FAM32A: variants seen among roughly 807,000 people sequenced by gnomAD.
The protein encoded by FAM32A is protein FAM32A.
In FAM32A, 9 loss-of-function variants were observed where a neutral mutation model predicts 15.8. The ratio of observed to expected loss-of-function variants is 0.57; its 90% CI spans 0.34 to 1.00. The LOEUF is 1.00. Among genes scored for constraint, FAM32A ranks in the 50% least tolerant of loss-of-function variants. The pLI is 0.02. For synonymous variants in FAM32A, 64 were observed against 54.9 expected (o/e 1.16, Z -0.73); for missense variants, 113 against 138.3 (o/e 0.82, Z 0.92).
chr19:16,190,396 G>C (rs769868423), intron 2 of FAM32A, 124 bp from the exon 3 acceptor site: 43 of 652,756 alleles, frequency 6.6e-5, no homozygotes, highest in Non-Finnish European at 1.1e-4. Context: ...ACAAGGCACA[G>C]AGCCTGAAAC....
chr19:16,191,218 G>GT lies in FAM32A; in HGVS notation c.*264dup, dbSNP rs2091405288. On this transcript the variant is annotated 3_prime_UTR_variant, in exon 4 of 4. Transcript: ENST00000263384. ...GGAAAGTTTCTAAGTTTATCCAGAG[G>GT]TAAAGCCCATTGTGTGTCTGTGTCA... 1 of 467,802 alleles carries GT rather than the reference G, an allele frequency of 2.1e-6. No individual in the cohort carries two copies. Among genetic ancestry groups the GT allele is most frequent in the Non-Finnish European group, 4.0e-6 (1 of 252,708 alleles). 29.0% of individuals were successfully genotyped at this position (467,802 alleles called of 1,614,324 possible). A position where few individuals can be genotyped will look rare whatever the true frequency, so the allele number is the denominator to read the frequency against.
chr19:16,185,916 G>T, intron 2 of FAM32A, 151 bp downstream of exon 2: 1 of 978,392 alleles, frequency 1.0e-6, no homozygotes, highest in South Asian at 1.8e-5. Flanking sequence ...AGTGAGAGAA[G>T]AGTCGCCCTC....
At chr19:16,188,073 C>G (rs1467158625) in intron 2 of FAM32A, among the ~76,000 whole-genome samples, 1 of 152,186 alleles carries the variant, frequency 6.6e-6, no homozygotes, top group African/African-American at 2.4e-5. Flanking sequence ...TCCCTTCTAA[C>G]CCTGAGGTTG....
chr19:16,190,639 C>A, intron 3 of FAM32A, 66 bp downstream of exon 3: 2 of 1,294,466 alleles, frequency 1.5e-6, no homozygotes, highest in Non-Finnish European at 2.2e-6. Flanking sequence ...CAGAGGCTAT[C>A]AGCTGGCAGA....
At chr19:16,188,195 A>G (rs988925474) in intron 2 of FAM32A, among the ~76,000 whole-genome samples, 3 of 152,240 alleles carry the variant, frequency 2.0e-5, no homozygotes, top group Non-Finnish European at 2.9e-5. Context: ...AGCAGTCGTG[A>G]TGGAGCCAGT....
At chr19:16,185,598 C>T in intron 1 of FAM32A, 26 bp from the exon 2 acceptor site, 2 of 1,597,022 alleles carry the variant, frequency 1.3e-6, no homozygotes, top group Admixed American at 1.7e-5. Flanking sequence ...TCCTCCGACC[C>T]GCCGCCTCCT....
intron 2 of FAM32A, among the ~76,000 whole-genome samples, chr19:16,185,990 T>C (rs2091384501): frequency 6.6e-6 from 1 of 152,142 alleles, no homozygotes; most frequent in Admixed American, 6.5e-5. Context: ...AGGGGAGAGC[T>C]AGAACTGGCG....
chr19:16,187,937 G>A (rs147595169), intron 2 of FAM32A, among the ~76,000 whole-genome samples: 269 of 149,358 alleles, frequency 1.8e-3, no homozygotes, highest in African/African-American at 6.4e-3. Context: ...GTAGAGACGG[G>A]GTTTCACCAT....
intron 2 of FAM32A, among the ~76,000 whole-genome samples, chr19:16,188,065 C>T (rs1166050804): frequency 6.6e-6 from 1 of 152,172 alleles, no homozygotes; most frequent in Admixed American, 6.6e-5. Context: ...CATTTCTTTC[C>T]CTTCTAACCC....
At chr19:16,187,379 AACCAGT>A (rs2091389790) in intron 2 of FAM32A, 1 of 150,880 alleles carries the variant, frequency 6.6e-6, no homozygotes, top group Non-Finnish European at 1.5e-5. Context: ...GGATTGCTTG[AACCAGT>A]ACCCGGGAGG....
At chr19:16,190,458 C>T (rs1445330595) in intron 2 of FAM32A, 62 bp from the exon 3 acceptor site, 16 of 1,230,426 alleles carry the variant, frequency 1.3e-5, no homozygotes, top group African/African-American at 2.9e-5. Flanking sequence ...CATCTTCCAC[C>T]CCATGCCAGC....
In FAM32A at chr19:16,190,989, T is replaced by G. The variant is rs746234491; in HGVS notation, c.*34T>G. 6.4e-7 allele frequency: 1 copy of G among 1,558,972 alleles called. No homozygotes were observed. The highest frequency in any genetic ancestry group is 8.9e-7 in the Non-Finnish European group (1 of 1,129,748). ...CCCCAGTATGGAGCAGCATCGAGGG[T>G]TCGCAAAAGGCCACACTGGGGTTGT... On this transcript the variant is annotated 3_prime_UTR_variant, in exon 4 of 4. Transcript: ENST00000263384.
chr19:16,185,854 CA>C (rs2091383904), intron 2 of FAM32A, 89 bp downstream of exon 2: 1 of 1,426,304 alleles, frequency 7.0e-7, no homozygotes, highest in African/African-American at 1.5e-5. Flanking sequence ...GCTCCGAGGG[CA>C]GGGGAGCGGT....
At chr19:16,189,113 C>T (rs2091396458) in intron 2 of FAM32A, among the ~76,000 whole-genome samples, 1 of 151,340 alleles carries the variant, frequency 6.6e-6, no homozygotes, top group South Asian at 2.1e-4. Context: ...ACCTCCACCT[C>T]CCGGGTTCAA....
intron 2 of FAM32A, among the ~76,000 whole-genome samples, chr19:16,189,048 AGTCTCGTTCT>A (rs1454641178): frequency 8.0e-6 from 1 of 124,806 alleles, no homozygotes; most frequent in Non-Finnish European, 1.6e-5. Context: ...TTTTTGAGAC[AGTCTCGTTCT>A]GTTGCCCAGG....
At position 16,185,607 on chromosome 19, in the gene FAM32A, CTCA is replaced by C. The variant is rs1250450303; in HGVS notation, c.75-15_75-13del. On this transcript the variant is annotated splice_polypyrimidine_tract_variant and intron_variant, in intron 1 of 3. Transcript: ENST00000263384. Reference sequence around the variant, plus strand: ...CCCTGATCCTCCGACCCGCCGCCTCCTCATGTCTTTTTCCAGGAAGAAGAAAAA... The same window carrying C: ...CCCTGATCCTCCGACCCGCCGCCTCCTGTCTTTTTCCAGGAAGAAGAAAAA... 1.3e-6 allele frequency: 2 copies of C among 1,595,560 alleles called. No individual in the cohort carries two copies. Among genetic ancestry groups the C allele is most frequent in the Admixed American group, 1.7e-5 (1 of 57,770 alleles).
Position 16,191,333 on chromosome 19 carries a change from A to G in FAM32A, c.*378A>G. On this transcript the variant is annotated 3_prime_UTR_variant, in exon 4 of 4. Transcript: ENST00000263384. The stretch of plus-strand genomic sequence containing the variant: ...ATGAGACAGACTCCAGAGGGTAAGG[A>G]GCTAGCGCCATGGTGGCCTGCAGTA... 1 of 298,470 alleles carries G rather than the reference A, an allele frequency of 3.4e-6. No individual in the cohort carries two copies. Among genetic ancestry groups the G allele is most frequent in the Non-Finnish European group, 6.5e-6 (1 of 152,696 alleles). The allele number at this position is 298,470 out of a possible 1,614,324, so 18.5% of individuals were successfully genotyped here.
chr19:16,189,019 C>CTTTT (rs11340905), intron 2 of FAM32A, among the ~76,000 whole-genome samples: 18 of 83,410 alleles, frequency 2.2e-4, no homozygotes, highest in East Asian at 9.1e-4. Context: ...CTCAGTGCTT[C>CTTTT]TTTTTTTTTT....
At position 16,191,044 on chromosome 19, in the gene FAM32A, A is replaced by G. The variant is rs1182358900; in HGVS notation, c.*89A>G. 2.0e-6 allele frequency: 2 copies of G among 975,694 alleles called. No individual in the cohort carries two copies. Among genetic ancestry groups the G allele is most frequent in the East Asian group, 2.4e-5 (1 of 41,040 alleles). The allele number at this position is 975,694 out of a possible 1,614,324, so 60.4% of individuals were successfully genotyped here. On this transcript the variant is annotated 3_prime_UTR_variant, in exon 4 of 4. Coordinates refer to ENST00000263384, the MANE Select transcript of FAM32A (RefSeq NM_014077.4). ...GTTTCCTTTGGTATATTCTGGAAACATGGCTACACACACCCTTGCATCTTC... is the reference window on the plus strand; with the variant it reads ...GTTTCCTTTGGTATATTCTGGAAACGTGGCTACACACACCCTTGCATCTTC...
Sources: gnomAD v4.1 joint callset for allele counts (sites outside exome capture counted in the v4.1 genomes callset) on GRCh38, gnomAD v4.1.1 for gene constraint, MANE v1.5 for transcripts, NCBI Gene and HGNC (gene_info 2026-07-23, HGNC 2026-07-21) for gene names.